FAM241A: variants seen among roughly 807,000 people sequenced by gnomAD.
The protein encoded by FAM241A is family with sequence similarity 241 member A.
A neutral mutation model predicts 12.2 loss-of-function variants in FAM241A; 7 were observed. That is an observed-to-expected ratio of 0.58 (90% CI 0.33 to 1.08). FAM241A has a LOEUF of 1.08. Among genes scored for constraint, FAM241A ranks in the 50% least tolerant of loss-of-function variants. The pLI, the probability that FAM241A is intolerant of heterozygous loss-of-function variation, is 0.04. For synonymous variants in FAM241A, 74 were observed against 68.2 expected (o/e 1.08, Z -0.42); for missense variants, 161 against 169.7 (o/e 0.95, Z 0.29).
In FAM241A at chr4:112,193,361, A is replaced by G. The variant is rs1407403223; in HGVS notation, c.*6423A>G. The G allele has an allele frequency of 6.6e-6, 1 of 151,886 alleles. No individual in the cohort carries two copies. The highest frequency in any genetic ancestry group is 2.4e-5 in the African/African-American group (1 of 41,262). The allele number at this position is 151,886 out of a possible 1,614,324, so 9.4% of individuals were successfully genotyped here. A position where few individuals can be genotyped will look rare whatever the true frequency, so the allele number is the denominator to read the frequency against. ...AAGCTCTTGAGTTGAATTAGATCCC[A>G]TTTGTCAATTTTGTCTTTTGTTGCC... On this transcript the variant is annotated 3_prime_UTR_variant, in exon 2 of 2. Transcript: ENST00000309733.
intron 1 of FAM241A, among the ~76,000 whole-genome samples, chr4:112,170,226 G>A (rs1437217955): frequency 6.6e-6 from 1 of 152,090 alleles, no homozygotes; most frequent in Non-Finnish European, 1.5e-5. Context: ...ATTGTTCTTT[G>A]TTTTTAGTTA....
At chr4:112,168,183 CT>C (rs1468983656) in intron 1 of FAM241A, among the ~76,000 whole-genome samples, 1 of 152,112 alleles carries the variant, frequency 6.6e-6, no homozygotes, top group Non-Finnish European at 1.5e-5. Flanking sequence ...AATAAGGTGA[CT>C]TTATGTAGAT....
At chr4:112,171,312 C>T (rs1000524148) in intron 1 of FAM241A, 1 of 755,270 alleles carries the variant, frequency 1.3e-6, no homozygotes, top group South Asian at 1.3e-5. Context: ...CAAGGATTCT[C>T]TGTATGCCCA....
At position 112,145,734 on chromosome 4, in the gene FAM241A, GT is replaced by G; in HGVS notation, c.153+2del. The G allele has an allele frequency of 8.4e-7, 1 of 1,189,416 alleles. No homozygotes were observed. The highest frequency in any genetic ancestry group is 1.0e-6 in the Non-Finnish European group (1 of 960,710). The allele number at this position is 1,189,416 out of a possible 1,614,324, so 73.7% of individuals were successfully genotyped here. A position where few individuals can be genotyped will look rare whatever the true frequency, so the allele number is the denominator to read the frequency against. The stretch of plus-strand genomic sequence containing the variant: ...ACAGCGGCCGAAGGAGAGCGAGCAG[GT>G]GAGCGCGGGGAGGGGCGGCGGCGAA... On this transcript the variant is annotated splice_donor_variant, in intron 1 of 1. Transcript: ENST00000309733. LOFTEE classifies it high-confidence loss of function.
intron 1 of FAM241A, among the ~76,000 whole-genome samples, chr4:112,160,404 C>A (rs1330080836): frequency 1.6e-3 from 197 of 121,522 alleles, no homozygotes; most frequent in South Asian, 1.9e-3. Context: ...AACTCCATCT[C>A]AAAAAAAAAA....
chr4:112,171,106 G>A (rs1723709593), intron 1 of FAM241A: 1 of 381,684 alleles, frequency 2.6e-6, no homozygotes, highest in Non-Finnish European at 5.0e-6. Context: ...CCAGATGTGT[G>A]TATAAAACAA....
chr4:112,162,901 C>A (rs1309547925), intron 1 of FAM241A, among the ~76,000 whole-genome samples: 2 of 152,188 alleles, frequency 1.3e-5, no homozygotes, highest in Non-Finnish European at 2.9e-5. Context: ...CACTACCTGA[C>A]TTCAAACTGT....
Position 112,195,125 on chromosome 4 carries a change from C to T in FAM241A, c.*8187C>T, listed in dbSNP as rs977205309. The T allele has an allele frequency of 2.0e-5, 3 of 152,216 alleles. No individual in the cohort carries two copies. Among genetic ancestry groups the T allele is most frequent in the African/African-American group, 4.8e-5 (2 of 41,436 alleles). 9.4% of individuals were successfully genotyped at this position (152,216 alleles called of 1,614,324 possible). On this transcript the variant is annotated 3_prime_UTR_variant, in exon 2 of 2. Transcript: ENST00000309733. ...AAACTTTTTTGTGAGCAGAAATTCT[C>T]AAGTATCGAAGCGTGGTGTTTTAGG...
chr4:112,161,723 CAGAGGTACAA>C (rs1362100681), intron 1 of FAM241A, among the ~76,000 whole-genome samples: 1 of 152,138 alleles, frequency 6.6e-6, no homozygotes, highest in Non-Finnish European at 1.5e-5. Context: ...TGAATTCTAC[CAGAGGTACAA>C]AGAGGAGCTG....
At chr4:112,160,422 A>G (rs1393362545) in intron 1 of FAM241A, among the ~76,000 whole-genome samples, 2 of 146,200 alleles carry the variant, frequency 1.4e-5, no homozygotes, top group Admixed American at 1.4e-4. Flanking sequence ...AAAAAAAAGG[A>G]AAGATATTGC....
chr4:112,186,426 C>T (rs145983708), intron 1 of FAM241A, among the ~76,000 whole-genome samples: 1,664 of 152,266 alleles, frequency 0.011, 12 homozygotes, highest in African/African-American at 0.013. Context: ...TCAGGCCTTG[C>T]CTCATAAAAC....
intron 1 of FAM241A, among the ~76,000 whole-genome samples, chr4:112,150,781 C>T (rs1578368802): frequency 2.0e-5 from 3 of 152,206 alleles, no homozygotes; most frequent in Non-Finnish European, 4.4e-5. Context: ...CCTCTCTGGG[C>T]TGCAGTTTCT....
Position 112,145,509 on chromosome 4 carries a change from C to G in FAM241A, c.-72C>G. On this transcript the variant is annotated 5_prime_UTR_variant, in exon 1 of 2. Coordinates refer to ENST00000309733, the MANE Select transcript of FAM241A (RefSeq NM_152400.3). ...GGCGGATCCCAGGGCAGCCTTCGGGCGGCGGCGCTGCCTGGTGCGTCGCGG... is the reference window on the plus strand; with the variant it reads ...GGCGGATCCCAGGGCAGCCTTCGGGGGGCGGCGCTGCCTGGTGCGTCGCGG... The G allele has an allele frequency of 5.9e-6, 7 of 1,187,406 alleles. No individual in the cohort carries two copies. The highest frequency in any genetic ancestry group is 6.3e-6 in the Non-Finnish European group (6 of 955,728). The allele number at this position is 1,187,406 out of a possible 1,614,324, so 73.6% of individuals were successfully genotyped here. A position where few individuals can be genotyped will look rare whatever the true frequency, so the allele number is the denominator to read the frequency against.
At chr4:112,166,698 G>C (rs1723602487) in intron 1 of FAM241A, among the ~76,000 whole-genome samples, 1 of 152,132 alleles carries the variant, frequency 6.6e-6, no homozygotes, top group African/African-American at 2.4e-5. Flanking sequence ...GCACCCACCT[G>C]ACTGTGATTT....
At chr4:112,167,421 A>G (rs1723621706) in intron 1 of FAM241A, among the ~76,000 whole-genome samples, 1 of 152,202 alleles carries the variant, frequency 6.6e-6, no homozygotes, top group East Asian at 1.9e-4. Flanking sequence ...AGGTTGTGCC[A>G]TTCATCGAGG....
At chr4:112,157,966 C>A (rs41534946) in intron 1 of FAM241A, among the ~76,000 whole-genome samples, 1 of 152,094 alleles carries the variant, frequency 6.6e-6, no homozygotes, top group South Asian at 2.1e-4. Context: ...AGGGCAAGAA[C>A]GAAGTGATTT....
chr4:112,154,418 C>T (rs1019261220), intron 1 of FAM241A, among the ~76,000 whole-genome samples: 1 of 152,120 alleles, frequency 6.6e-6, no homozygotes, highest in African/African-American at 2.4e-5. Flanking sequence ...CAGGTGCATA[C>T]TACCATGCCT....
At chr4:112,157,105 A>G (rs964449186) in intron 1 of FAM241A, among the ~76,000 whole-genome samples, 1 of 152,202 alleles carries the variant, frequency 6.6e-6, no homozygotes, top group African/African-American at 2.4e-5. Flanking sequence ...AACATAAAAG[A>G]AACACGTGTT....
At position 112,149,619 on chromosome 4, in the gene FAM241A, A is replaced by C. The variant is rs559863774; in HGVS notation, c.153+3886A>C. On this transcript the variant is annotated intron_variant, in intron 1 of 1. Coordinates refer to ENST00000309733, the MANE Select transcript of FAM241A (RefSeq NM_152400.3). ...CATCCTAAAGAATTTAATTCAAGAA[A>C]GGTTGTACTCATTTACACTTGCAGC... is the stretch of plus-strand genomic sequence containing the variant. Among the ~76,000 whole-genome samples, 5 of 152,340 alleles carry C rather than the reference A, an allele frequency of 3.3e-5. No individual in the cohort carries two copies. In the East Asian group the frequency reaches 9.6e-4, roughly 29 times the overall value.
Sources: gnomAD v4.1 joint callset for allele counts (sites outside exome capture counted in the v4.1 genomes callset) on GRCh38, gnomAD v4.1.1 for gene constraint, MANE v1.5 for transcripts, NCBI Gene and HGNC (gene_info 2026-07-23, HGNC 2026-07-21) for gene names.